PARPBP: variants seen among roughly 807,000 people sequenced by gnomAD.
PARPBP encodes PARP1 binding protein.
In PARPBP, 52 loss-of-function variants were observed where a neutral mutation model predicts 50.0. The observed-to-expected ratio is 1.04, with a 90% CI of 0.83 to 1.31. The LOEUF is 1.31. Ranked by LOEUF, PARPBP falls within the 50% of genes most tolerant of loss-of-function variation. The pLI, the probability that PARPBP is intolerant of heterozygous loss-of-function variation, is 0.00. For synonymous variants in PARPBP, 244 were observed against 232.1 expected, an observed-to-expected ratio of 1.05 and a Z score of -0.47; for missense variants, 697 against 672.0, an observed-to-expected ratio of 1.04 and a Z score of -0.41.
At chr12:102,123,810 G>A in intron 1 of PARPBP, 76 bp from the exon 2 acceptor site, 2 of 917,818 alleles carry the variant, frequency 2.2e-6, no homozygotes, top group Non-Finnish European at 3.3e-6. Context: ...CTCTATCTGT[G>A]CTTGCCTATA....
At position 102,195,505 on chromosome 12, in the gene PARPBP, TTTAAC is replaced by T; in HGVS notation, c.1399+63_1399+67del. ...ATTTAATTCTAGTCTACTAATTAGT[TTTAAC>T]TTAAGTAAAATTAGGTTATTTTTGC... On this transcript the variant is annotated intron_variant, in intron 10 of 10. Transcript: ENST00000327680. 3.0e-6 allele frequency: 4 copies of T among 1,351,778 alleles called. No homozygotes were observed. In the South Asian group the frequency reaches 4.0e-5, roughly 13 times the overall value. 83.7% of individuals were successfully genotyped at this position (1,351,778 alleles called of 1,614,324 possible).
intron 7 of PARPBP, 40 bp downstream of exon 7, chr12:102,175,706 T>C: frequency 8.0e-7 from 1 of 1,251,312 alleles, no homozygotes; most frequent in South Asian, 1.6e-5. Context: ...TTTATACAAA[T>C]CATTATCTCT....
chr12:102,124,167 C>A, intron 2 of PARPBP, 126 bp downstream of exon 2: 1 of 665,442 alleles, frequency 1.5e-6, no homozygotes, highest in Non-Finnish European at 2.6e-6. Flanking sequence ...GATAATACAC[C>A]ATTTTCACAA....
At chr12:102,194,653 A>G (rs1891093875) in intron 9 of PARPBP, among the ~76,000 whole-genome samples, 1 of 151,880 alleles carries the variant, frequency 6.6e-6, no homozygotes, top group South Asian at 2.1e-4. Context: ...GTTTGAAGAT[A>G]AATGCAAGAG....
At chr12:102,195,616 G>A (rs1384570323) in intron 10 of PARPBP, among the ~76,000 whole-genome samples, 169 bp downstream of exon 10, 2 of 151,636 alleles carry the variant, frequency 1.3e-5, no homozygotes, top group Admixed American at 6.6e-5. Flanking sequence ...CAAATTTATC[G>A]ATAGGAATAG....
chr12:102,182,413 T>G (rs757061364), intron 8 of PARPBP, 136 bp from the exon 9 acceptor site: 26 of 621,512 alleles, frequency 4.2e-5, no homozygotes, highest in Non-Finnish European at 7.2e-5. Context: ...TATGATGAGT[T>G]TATCTGGGAG....
intron 3 of PARPBP, among the ~76,000 whole-genome samples, chr12:102,149,467 G>A (rs2138765112): frequency 6.6e-6 from 1 of 152,322 alleles, no homozygotes; most frequent in Middle Eastern, 3.4e-3. Flanking sequence ...GACTGTTGGA[G>A]CTCCAGCCAT....
At chr12:102,157,256 G>A (rs1017361102) in intron 4 of PARPBP, among the ~76,000 whole-genome samples, 1 of 152,152 alleles carries the variant, frequency 6.6e-6, no homozygotes, top group Admixed American at 6.5e-5. Flanking sequence ...GTAAGTTGCT[G>A]ACATGTGGGT....
At chr12:102,141,386 T>C (rs1884574887) in intron 2 of PARPBP, among the ~76,000 whole-genome samples, 2 of 152,248 alleles carry the variant, frequency 1.3e-5, no homozygotes, top group Non-Finnish European at 1.5e-5. Flanking sequence ...TGTCTCTGCA[T>C]GTGAGATGGG....
In PARPBP at chr12:102,195,314, G is replaced by T. The variant is rs772474709; in HGVS notation, c.1266G>T (p.Met422Ile). The part of the protein sequence containing the change: ...CVSMQEKKIK[M>I]KQTLIRSQFA... ...TTCTTCTTTCTTTCTGTTACTAGAT[G>T]AAGCAAACTTTAATTAGATCCCAAT... is the stretch of plus-strand genomic sequence containing the variant. Residue 422 changes from methionine to isoleucine, a missense_variant and splice_region_variant, in exon 10 of 11, where the codon ATG (methionine) becomes ATT (isoleucine). Transcript: ENST00000327680. 5 of 1,526,320 alleles carry T rather than the reference G, an allele frequency of 3.3e-6. No individual in the cohort carries two copies. In the African/African-American group the frequency reaches 7.0e-5, roughly 21 times the overall value. The allele number at this position is 1,526,320 out of a possible 1,614,324, so 94.5% of individuals were successfully genotyped here.
At chr12:102,144,346 T>C (rs763294050) in intron 2 of PARPBP, among the ~76,000 whole-genome samples, 5 of 152,248 alleles carry the variant, frequency 3.3e-5, no homozygotes, top group Admixed American at 1.3e-4. Context: ...CATCAGAGAA[T>C]TAAAGTGGTG....
At chr12:102,140,019 C>A (rs1042107026) in intron 2 of PARPBP, among the ~76,000 whole-genome samples, 1 of 152,074 alleles carries the variant, frequency 6.6e-6, no homozygotes, top group Admixed American at 6.5e-5. Context: ...GGGATGATTC[C>A]CTCTTTTTCT....
intron 4 of PARPBP, among the ~76,000 whole-genome samples, chr12:102,159,406 C>T (rs960759902): frequency 1.3e-5 from 2 of 152,268 alleles, no homozygotes; most frequent in South Asian, 2.1e-4. Flanking sequence ...GAATTACAGG[C>T]GTGAGCCACC....
intron 9 of PARPBP, among the ~76,000 whole-genome samples, chr12:102,194,068 G>A (rs1011676319): frequency 1.4e-4 from 22 of 151,838 alleles, no homozygotes; most frequent in African/African-American, 5.1e-4. Context: ...GTCATCCTAG[G>A]AAAACTTGCT....
chr12:102,131,993 C>A (rs773604887), intron 2 of PARPBP, among the ~76,000 whole-genome samples: 4 of 152,146 alleles, frequency 2.6e-5, no homozygotes, highest in African/African-American at 9.7e-5. Flanking sequence ...GGCCTGAGGT[C>A]GGGAGTTTGA....
chr12:102,190,106 C>G (rs1890658849), intron 9 of PARPBP, among the ~76,000 whole-genome samples: 1 of 151,972 alleles, frequency 6.6e-6, no homozygotes, highest in Admixed American at 6.6e-5. Context: ...TGGATACATA[C>G]TAGTTGTATA....
rs1276370024 is a variant in PARPBP at position 102,175,528 on chromosome 12, T to G, written c.867T>G (p.Ile289Met). Residue 289 changes from isoleucine to methionine, a missense_variant, in exon 7 of 11, where the codon ATT (isoleucine) becomes ATG (methionine). By Grantham distance (10) the Ile-to-Met change is conservative. Transcript: ENST00000327680. ...QILSVIKMQLIKGQNSRDPFC... is the reference protein window; with the variant it reads ...QILSVIKMQLMKGQNSRDPFC... The stretch of plus-strand genomic sequence containing the variant: ...TGTCAGTGATAAAGATGCAACTGAT[T>G]AAAGGCCAAAACAGCAGGGATCCTT... 3.7e-6 allele frequency: 6 copies of G among 1,613,646 alleles called. No homozygotes were observed. The highest frequency in any genetic ancestry group is 5.1e-6 in the Non-Finnish European group (6 of 1,179,758).
rs558991073 is a variant in PARPBP at position 102,158,689 on chromosome 12, G to A, written c.495+4713G>A. On this transcript the variant is annotated intron_variant, in intron 4 of 10. Coordinates refer to ENST00000327680, the MANE Select transcript of PARPBP (RefSeq NM_017915.5). ...TTGCCAAATTGCCTGATCTTTTCTC[G>A]GTGGCGCTTAAGCAGTGTATTTGTG... Among the ~76,000 whole-genome samples the A allele has an allele frequency of 4.6e-5, 7 of 151,860 alleles. No individual in the cohort carries two copies. In the South Asian group the frequency reaches 1.0e-3, roughly 23 times the overall value.
rs2136803256 is a variant in PARPBP at position 102,120,279 on chromosome 12, CT to C, written c.-10del. ...GAAGAGTACGTCTTCGGGTCTACCC[CT>C]AATCACGTAAGTCTCGCGTCTGCCC... On this transcript the variant is annotated 5_prime_UTR_variant, in exon 1 of 11. Coordinates refer to ENST00000327680, the MANE Select transcript of PARPBP (RefSeq NM_017915.5). 1 of 337,684 alleles carries C rather than the reference CT, an allele frequency of 3.0e-6. No individual in the cohort carries two copies. Among genetic ancestry groups the C allele is most frequent in the South Asian group, 2.1e-5 (1 of 47,446 alleles). The allele number at this position is 337,684 out of a possible 1,614,324, so 20.9% of individuals were successfully genotyped here. A position where few individuals can be genotyped will look rare whatever the true frequency, so the allele number is the denominator to read the frequency against.
Sources: gnomAD v4.1 joint callset for allele counts (sites outside exome capture counted in the v4.1 genomes callset) on GRCh38, gnomAD v4.1.1 for gene constraint, MANE v1.5 for transcripts, NCBI Gene and HGNC (gene_info 2026-07-23, HGNC 2026-07-21) for gene names.